Variants in CLK3 observed in about 807,000 individuals in gnomAD.
The protein encoded by CLK3 is CDC like kinase 3.
In CLK3, 24 loss-of-function variants were observed where a neutral mutation model predicts 65.2. The observed-to-expected ratio is 0.37, with a 90% CI of 0.27 to 0.52. The LOEUF (loss-of-function observed/expected upper bound fraction) is 0.52. CLK3 is among the 20% of genes least tolerant of loss of function. The pLI, the probability that CLK3 is intolerant of heterozygous loss-of-function variation, is 0.92. For missense variants in CLK3, 506 were observed against 660.0 expected, an observed-to-expected ratio of 0.77 and a Z score of 2.56; for synonymous variants, 252 against 240.8, an observed-to-expected ratio of 1.05 and a Z score of -0.43.
In CLK3 at chr15:74,627,330, C is replaced by CAA. The variant is rs747212592; in HGVS notation, c.818-22_818-21insAA. The CAA allele has an allele frequency of 6.3e-7, 1 of 1,597,434 alleles. No individual in the cohort carries two copies. The highest frequency in any genetic ancestry group is 1.3e-5 in the African/African-American group (1 of 74,690). ...AGCCAGCTTCTCAGTGCCTACTTCC[C>CAA]CTTCTTTCCCTGCTACCTTAGTTCT... On this transcript the variant is annotated intron_variant, in intron 7 of 12. Coordinates refer to ENST00000395066, the MANE Select transcript of CLK3 (RefSeq NM_001130028.2). The surrounding 1 kb of genome is among the most constrained non-coding windows in gnomAD (Gnocchi z 4.3).
intron 1 of CLK3, among the ~76,000 whole-genome samples, chr15:74,609,796 T>C (rs1651537107): frequency 6.6e-6 from 1 of 152,252 alleles, no homozygotes; most frequent in African/African-American, 2.4e-5. Context: ...TGGGGTCTCC[T>C]TCCAGCTTCC....
chr15:74,622,323 G>A lies in CLK3; in HGVS notation c.466+107G>A. 1.8e-6 allele frequency: 2 copies of A among 1,138,916 alleles called. No individual in the cohort carries two copies. The highest frequency in any genetic ancestry group is 1.4e-5 in the South Asian group (1 of 71,000). 70.6% of individuals were successfully genotyped at this position (1,138,916 alleles called of 1,614,324 possible). On this transcript the variant is annotated intron_variant, in intron 4 of 12. Coordinates refer to ENST00000395066, the MANE Select transcript of CLK3 (RefSeq NM_001130028.2). The surrounding 1 kb of genome is among the most constrained non-coding windows in gnomAD (Gnocchi z 4.6). ...TCTAGTGCGCGTGGTGCCTTAGCGG[G>A]GCCACCAGTAATTGCCTGAATGACA...
intron 2 of CLK3, among the ~76,000 whole-genome samples, chr15:74,619,619 C>T (rs1313268822): frequency 6.6e-6 from 1 of 152,216 alleles, no homozygotes; most frequent in Non-Finnish European, 1.5e-5. Context: ...TCCGCTTAAC[C>T]TCCTAAGCCT....
At position 74,622,634 on chromosome 15, in the gene CLK3, G is replaced by A. The variant is rs77232571; in HGVS notation, c.533+74G>A. ...GAAGAGCTGGCCTGAGGTTCTTGAGGGTGGCAGCTATCAGAGCTTAACTTT... is the reference window on the plus strand; with the variant it reads ...GAAGAGCTGGCCTGAGGTTCTTGAGAGTGGCAGCTATCAGAGCTTAACTTT... On this transcript the variant is annotated intron_variant, in intron 5 of 12. Coordinates refer to ENST00000395066, the MANE Select transcript of CLK3 (RefSeq NM_001130028.2). The surrounding 1 kb of genome is among the most constrained non-coding windows in gnomAD (Gnocchi z 4.6). 1,182 of 1,218,150 alleles carry A rather than the reference G, an allele frequency of 9.7e-4. 8 individuals are homozygous for A. The East Asian group carries it at 0.022, about 23-fold the overall frequency. 75.5% of individuals were successfully genotyped at this position (1,218,150 alleles called of 1,614,324 possible).
rs1702944467 is a variant in CLK3, at chr15:74,624,694, G to A, written c.534-208G>A. On this transcript the variant is annotated intron_variant, in intron 5 of 12. Transcript: ENST00000395066. This position sits in a 1 kb window ranked among gnomAD's most constrained non-coding sequence, Gnocchi z 4.2. Reference sequence around the variant, plus strand: ...CCTAAGGATGGCAAGGATGCTAAGAGCATTAACTCACAGATCTCAGGGAGC... The same window carrying A: ...CCTAAGGATGGCAAGGATGCTAAGAACATTAACTCACAGATCTCAGGGAGC... 1 of 598,254 alleles carries A rather than the reference G, an allele frequency of 1.7e-6. No individual in the cohort carries two copies. Among genetic ancestry groups the A allele is most frequent in the Non-Finnish European group, 3.0e-6 (1 of 332,200 alleles). The allele number at this position is 598,254 out of a possible 1,614,324, so 37.1% of individuals were successfully genotyped here.
upstream of CLK3, chr15:74,615,707 G>C (rs1452440738): frequency 8.1e-7 from 1 of 1,238,534 alleles, no homozygotes; most frequent in Admixed American, 4.2e-5. Context: ...CCGGAGCGGA[G>C]AGGGCTGGTG....
At chr15:74,625,705 TGGCCTAGGA>T in intron 6 of CLK3, 88 bp from the exon 7 acceptor site, 1 of 1,294,212 alleles carries the variant, frequency 7.7e-7, no homozygotes, top group South Asian at 1.3e-5. Context: ...TGTGACCCGG[TGGCCTAGGA>T]GAGAGTTGGG....
chr15:74,629,796 A>G lies in CLK3; in HGVS notation c.1386A>G (p.Thr462=). 6.2e-7 allele frequency: 1 copy of G among 1,613,436 alleles called. No homozygotes were observed. The highest frequency in any genetic ancestry group is 8.5e-7 in the Non-Finnish European group (1 of 1,179,734). Residue 462 remains threonine (T), a synonymous_variant, in exon 13 of 13, where the codon ACA becomes ACG. Transcript: ENST00000395066. ...AATTTGACCCTGCCCAGCGCATCAC[A>G]CTGGCCGAGGCCCTGCTGCACCCCT... The part of the protein sequence containing the change: ...MLEFDPAQRI[T]LAEALLHPFF...
chr15:74,611,988 A>C (rs775603039), upstream of CLK3, among the ~76,000 whole-genome samples: 4 of 152,208 alleles, frequency 2.6e-5, no homozygotes, highest in Non-Finnish European at 4.4e-5. Context: ...CAACTCCACT[A>C]AACAGTTCTC....
Position 74,622,522 on chromosome 15 carries a change from C to T in CLK3, c.495C>T (p.Gly165=), listed in dbSNP as rs1596288715. 6.2e-6 allele frequency: 10 copies of T among 1,613,382 alleles called. No homozygotes were observed. In the East Asian group the frequency reaches 2.2e-4, roughly 36 times the overall value. ...AGATTGTGGGGAACCTGGGTGAAGG[C>T]ACCTTTGGCAAGGTGGTGGAGTGCT... is the stretch of plus-strand genomic sequence containing the variant. The part of the protein sequence containing the change: ...RYEIVGNLGE[G]TFGKVVECLD... Residue 165 remains glycine, a synonymous_variant, in exon 5 of 13, where the codon GGC becomes GGT. Transcript: ENST00000395066. The surrounding 1 kb of genome is among the most constrained non-coding windows in gnomAD (Gnocchi z 4.6).
Position 74,629,770 on chromosome 15 carries a change from G to C in CLK3, c.1360G>C (p.Glu454Gln). The C allele has an allele frequency of 6.2e-7, 1 of 1,613,708 alleles. No individual in the cohort carries two copies. Among genetic ancestry groups the C allele is most frequent in the Non-Finnish European group, 8.5e-7 (1 of 1,179,786 alleles). Residue 454 changes from glutamate (E) to glutamine (Q), a missense_variant, in exon 13 of 13, where the codon GAA (glutamate) becomes CAA (glutamine). Glu to Gln is a conservative substitution (Grantham distance 29). This residue lies in a region of CLK3 where 325 missense variants were observed against 500.5 expected (regional missense o/e 0.65). Transcript: ENST00000395066. Reference protein sequence around the residue: ...QLFDLMRRMLEFDPAQRITLA... With the variant: ...QLFDLMRRMLQFDPAQRITLA... ...GTTTGACCTGATGAGGAGGATGTTA[G>C]AATTTGACCCTGCCCAGCGCATCAC...
At chr15:74,617,534 C>A (rs1355865183) in intron 1 of CLK3, among the ~76,000 whole-genome samples, 1 of 152,250 alleles carries the variant, frequency 6.6e-6, no homozygotes, top group Non-Finnish European at 1.5e-5. Flanking sequence ...TTCAAAGGCA[C>A]ACAGCTAGAA....
intron 1 of CLK3, 115 bp from the exon 2 acceptor site, chr15:74,619,082 C>A: frequency 7.8e-7 from 1 of 1,275,194 alleles, no homozygotes; most frequent in Non-Finnish European, 1.1e-6. Flanking sequence ...TGGGAGGGGC[C>A]GCCTTCAAAC....
At chr15:74,623,136 C>T (rs2062116634) in intron 5 of CLK3, among the ~76,000 whole-genome samples, 1 of 152,194 alleles carries the variant, frequency 6.6e-6, no homozygotes, top group Non-Finnish European at 1.5e-5. Flanking sequence ...TGTCATGCTG[C>T]ACCTCACTCT....
At position 74,627,582 on chromosome 15, in the gene CLK3, C is replaced by G. The variant is rs778325451; in HGVS notation, c.956C>G (p.Ala319Gly). The change falls in exon 9 of 13, where the codon GCT (alanine) becomes GGT (glycine). Residue 319 changes from alanine (A) to glycine (G), a missense_variant. By Grantham distance (60) the Ala-to-Gly change is moderately conservative. Around this residue, in one of 2 missense-constraint regions of CLK3, gnomAD observed 325 missense variants for 500.5 expected, o/e 0.65. Coordinates refer to ENST00000395066, the MANE Select transcript of CLK3 (RefSeq NM_001130028.2). This position sits in a 1 kb window ranked among gnomAD's most constrained non-coding sequence, Gnocchi z 4.3. Reference sequence around the variant, plus strand: ...GTGAAGAACACCAGCATCCGAGTGGCTGACTTTGGCAGTGCCACATTTGAC... The same window carrying G: ...GTGAAGAACACCAGCATCCGAGTGGGTGACTTTGGCAGTGCCACATTTGAC... ...KSVKNTSIRV[A>G]DFGSATFDHE... The G allele has an allele frequency of 1.2e-6, 2 of 1,614,198 alleles. No individual in the cohort carries two copies. Among genetic ancestry groups the G allele is most frequent in the Non-Finnish European group, 8.5e-7 (1 of 1,180,044 alleles).
Position 74,627,576 on chromosome 15 carries a change from G to A in CLK3, c.950G>A (p.Arg317Gln). Residue 317 changes from arginine to glutamine, a missense_variant, in exon 9 of 13, where the codon CGA becomes CAA. By Grantham distance (43) the Arg-to-Gln change is conservative. Around this residue, in one of 2 missense-constraint regions of CLK3, gnomAD observed 325 missense variants for 500.5 expected, o/e 0.65. Coordinates refer to ENST00000395066, the MANE Select transcript of CLK3 (RefSeq NM_001130028.2). This position sits in a 1 kb window ranked among gnomAD's most constrained non-coding sequence, Gnocchi z 4.3. ...AAGTCAGTGAAGAACACCAGCATCCGAGTGGCTGACTTTGGCAGTGCCACA... is the reference window on the plus strand; with the variant it reads ...AAGTCAGTGAAGAACACCAGCATCCAAGTGGCTGACTTTGGCAGTGCCACA... Reference protein sequence around the residue: ...EEKSVKNTSIRVADFGSATFD... With the variant: ...EEKSVKNTSIQVADFGSATFD... The A allele has an allele frequency of 1.9e-6, 3 of 1,614,218 alleles. No homozygotes were observed. The highest frequency in any genetic ancestry group is 1.1e-5 in the South Asian group (1 of 91,084).
At chr15:74,620,348 ATGTG>A (rs1346826206) in intron 3 of CLK3, 123 bp downstream of exon 3, 1 of 1,338,440 alleles carries the variant, frequency 7.5e-7, no homozygotes, top group East Asian at 2.4e-5. Context: ...GTGTGCGTGC[ATGTG>A]TGTGTGTATG....
intron 1 of CLK3, among the ~76,000 whole-genome samples, chr15:74,618,814 G>A (rs1302159456): frequency 1.3e-5 from 2 of 152,196 alleles, no homozygotes; most frequent in African/African-American, 2.4e-5. Context: ...CCGCCCCCCC[G>A]GGCGGGAGGG....
Position 74,610,401 on chromosome 15 carries a change from C to T in CLK3, c.-1+1975C>T, listed in dbSNP as rs1029064043. Among the ~76,000 whole-genome samples, 27 of 152,210 alleles carry T rather than the reference C, an allele frequency of 1.8e-4. 1 individual carries two copies. Among genetic ancestry groups the T allele is most frequent in the Admixed American group, 1.4e-3 (22 of 15,292 alleles). ...GCTCCAGGCAGGCCAGGGAGCACTC[C>T]ACCTGCTAGGAGGAGGCTGAGTGGG... On this transcript the variant is annotated intron_variant, in intron 1 of 12. Transcript: ENST00000345005.
Sources: allele counts gnomAD v4.1 joint callset (sites outside exome capture counted in the v4.1 genomes callset), GRCh38; gene constraint gnomAD v4.1.1; regional missense constraint gnomAD v4.1.1; non-coding constraint Gnocchi (gnomAD v3.1); transcripts MANE v1.5; gene names NCBI Gene and HGNC (gene_info 2026-07-23, HGNC 2026-07-21).